Variants in KLHDC4 observed in about 807,000 individuals in gnomAD.
KLHDC4 encodes kelch domain-containing protein 4.
A neutral mutation model predicts 62.4 loss-of-function variants in KLHDC4; 90 were observed. The observed-to-expected ratio is 1.44, with a 90% CI of 1.22 to 1.72. The LOEUF (loss-of-function observed/expected upper bound fraction) is 1.72. Among genes scored for constraint, KLHDC4 ranks in the 40% most tolerant of loss-of-function variants. The probability of loss-of-function intolerance (pLI) is 0.00; values close to 1 mark genes in which losing one functional copy is unlikely to be tolerated. For synonymous variants in KLHDC4, 386 were observed against 284.4 expected, an observed-to-expected ratio of 1.36 and a Z score of -3.59; for missense variants, 1,025 against 699.7, an observed-to-expected ratio of 1.47 and a Z score of -5.25.
chr16:87,753,731 G>A (rs1174924083), intron 4 of KLHDC4, among the ~76,000 whole-genome samples: 2 of 151,686 alleles, frequency 1.3e-5, no homozygotes, highest in Admixed American at 6.6e-5. Flanking sequence ...AACTCAGGAA[G>A]CGGAGGTTGC....
intron 1 of KLHDC4, chr16:87,765,131 G>C: frequency 2.2e-6 from 1 of 456,020 alleles, no homozygotes; most frequent in South Asian, 1.5e-5. Context: ...AACTGGCCCC[G>C]GTTAGGGAAT....
chr16:87,729,513 C>T (rs567562201), intron 6 of KLHDC4: 6 of 152,298 alleles, frequency 3.9e-5, no homozygotes, highest in Admixed American at 3.9e-4. Flanking sequence ...CAGAACACAA[C>T]TGCACTTATG....
chr16:87,729,156 C>A (rs1050247874), intron 6 of KLHDC4, among the ~76,000 whole-genome samples: 8 of 152,116 alleles, frequency 5.3e-5, no homozygotes, highest in African/African-American at 1.9e-4. Context: ...CCCTTTTCCC[C>A]CCGAATTCAC....
At position 87,762,956 on chromosome 16, in the gene KLHDC4, G is replaced by A. The variant is rs560928207; in HGVS notation, c.100-916C>T. Among the ~76,000 whole-genome samples the A allele has an allele frequency of 2.6e-5, 4 of 151,962 alleles. No homozygotes were observed. In the East Asian group the frequency reaches 7.7e-4, roughly 29 times the overall value. ...GCCTCACTCTCCAAGATACACCAGC[G>A]TCCTCTCCGTTCCTTCAATGAAAAC... On this transcript the variant is annotated intron_variant, in intron 1 of 11. Coordinates refer to ENST00000270583, the MANE Select transcript of KLHDC4 (RefSeq NM_017566.4).
At chr16:87,729,267 T>C (rs1049844328) in intron 6 of KLHDC4, 5 of 152,160 alleles carry the variant, frequency 3.3e-5, no homozygotes, top group Non-Finnish European at 1.5e-5. Context: ...TACAGACTTA[T>C]CACGATGGAT....
intron 2 of KLHDC4, among the ~76,000 whole-genome samples, chr16:87,758,516 G>C (rs1470026792): frequency 1.3e-5 from 2 of 152,170 alleles, no homozygotes; most frequent in African/African-American, 2.4e-5. Context: ...GTGACAGAAA[G>C]TTGACCAGAA....
chr16:87,729,709 G>C (rs1161613979), intron 6 of KLHDC4, among the ~76,000 whole-genome samples: 1 of 152,226 alleles, frequency 6.6e-6, no homozygotes, highest in Non-Finnish European at 1.5e-5. Flanking sequence ...GGCCTCTTCC[G>C]GCATCGCTGT....
At position 87,726,786 on chromosome 16, in the gene KLHDC4, G is replaced by T; in HGVS notation, c.738C>A (p.Val246=). The T allele has an allele frequency of 6.3e-7, 1 of 1,594,508 alleles. No individual in the cohort carries two copies. The highest frequency in any genetic ancestry group is 8.5e-7 in the Non-Finnish European group (1 of 1,172,484). The change falls in exon 7 of 12, where the codon GTC becomes GTA. Residue 246 remains valine, a synonymous_variant. Coordinates refer to ENST00000270583, the MANE Select transcript of KLHDC4 (RefSeq NM_017566.4). ...MSVTPQGGIV[V]YGGYSKQRVK... ...TTACCTGTTTCGAGTAGCCCCCATA[G>T]ACGACGATGCCGCCCTGGGGAGTGA...
At chr16:87,736,662 C>T (rs2041369125) in intron 5 of KLHDC4, among the ~76,000 whole-genome samples, 1 of 152,204 alleles carries the variant, frequency 6.6e-6, no homozygotes, top group Admixed American at 6.5e-5. Context: ...TAGTAGCCGT[C>T]TCCAGAATTC....
At chr16:87,710,237 C>T (rs2035525077) in intron 9 of KLHDC4, 2 of 154,908 alleles carry the variant, frequency 1.3e-5, no homozygotes, top group Admixed American at 6.3e-5. Context: ...CTCTCTGTCC[C>T]ACTTCCCTGG....
chr16:87,752,332 T>G (rs12922351), intron 4 of KLHDC4, among the ~76,000 whole-genome samples: 1 of 132,076 alleles, frequency 7.6e-6, no homozygotes, highest in East Asian at 2.2e-4. Flanking sequence ...CACAGCACTG[T>G]TTTTTCTTTT....
rs2042801290 is a variant in KLHDC4, at chr16:87,744,895, GCATGCAGTCACACA to G, written c.506+3764_506+3777del. 2.0e-5 allele frequency among the ~76,000 whole-genome samples: 3 copies of G among 152,060 alleles called. No individual in the cohort carries two copies. The South Asian group carries it at 6.2e-4, about 31-fold the overall frequency. ...CACACGAGCACACACACGCTCACAC[GCATGCAGTCACACA>G]CATGCATACACAGGCATAGACAGGC... is the stretch of plus-strand genomic sequence containing the variant. On this transcript the variant is annotated intron_variant, in intron 5 of 11. Transcript: ENST00000270583.
In KLHDC4 at chr16:87,707,923, G is replaced by A. The variant is rs1176348459; in HGVS notation, c.*154C>T. 4.3e-6 allele frequency: 2 copies of A among 462,188 alleles called. No homozygotes were observed. The highest frequency in any genetic ancestry group is 1.5e-5 in the South Asian group (1 of 64,604). 28.6% of individuals were successfully genotyped at this position (462,188 alleles called of 1,614,324 possible). ...AGTGCCGCGTCAGAGACTAAACCAT[G>A]GGAGAAAGTTCACACCCTGGCCTGG... On this transcript the variant is annotated 3_prime_UTR_variant, in exon 12 of 12. Transcript: ENST00000270583.
At chr16:87,760,467 C>T (rs1365210283) in intron 2 of KLHDC4, among the ~76,000 whole-genome samples, 3 of 151,448 alleles carry the variant, frequency 2.0e-5, no homozygotes, top group Non-Finnish European at 4.4e-5. Flanking sequence ...ATTAGCCAGG[C>T]TTGGTGGCGG....
intron 5 of KLHDC4, among the ~76,000 whole-genome samples, chr16:87,737,362 C>G (rs2041509585): frequency 6.6e-6 from 1 of 151,740 alleles, no homozygotes; most frequent in Non-Finnish European, 1.5e-5. Context: ...CCAAAGCAGC[C>G]AGATCACTTG....
rs9921096 is a variant in KLHDC4 at position 87,719,350 on chromosome 16, G to A, written c.760-4777C>T. ...AAAAATTCTTCTGCCTTGGGATGCT[G>A]TTAATCTATAACCTTACCCCCAACC... On this transcript the variant is annotated intron_variant, in intron 7 of 11. Coordinates refer to ENST00000270583, the MANE Select transcript of KLHDC4 (RefSeq NM_017566.4). 4.0e-3 allele frequency among the ~76,000 whole-genome samples: 602 copies of A among 152,356 alleles called. 3 individuals are homozygous for A. The highest frequency in any genetic ancestry group is 0.014 in the African/African-American group (571 of 41,582).
chr16:87,764,927 CTT>C (rs1007298381), intron 1 of KLHDC4: 1 of 348,490 alleles, frequency 2.9e-6, no homozygotes, highest in African/African-American at 2.2e-5. Context: ...AGATCAATGA[CTT>C]AGGAAGAAAA....
chr16:87,700,661 GCA>G (rs2034097596), exon 1 of KLHDC4: 27 of 235,918 alleles, frequency 1.1e-4, no homozygotes, highest in Non-Finnish European at 1.6e-4. Context: ...AGGGAGGAGG[GCA>G]GAGGGCGGAG....
At chr16:87,724,192 A>C (rs76946220) in intron 7 of KLHDC4, among the ~76,000 whole-genome samples, 5 of 152,132 alleles carry the variant, frequency 3.3e-5, no homozygotes, top group African/African-American at 1.2e-4. Flanking sequence ...ACATGGGGGA[A>C]ACAGCCTCAA....
Sources: gnomAD v4.1 joint callset for allele counts (sites outside exome capture counted in the v4.1 genomes callset) on GRCh38, gnomAD v4.1.1 for gene constraint, MANE v1.5 for transcripts, NCBI Gene and HGNC (gene_info 2026-07-23, HGNC 2026-07-21) for gene names.